The following PAM variants were observed in gnomAD, a reference collection of about 807,000 sequenced individuals.
PAM encodes the protein peptidylglycine alpha-amidating monooxygenase.
Under a neutral mutation model 122.1 loss-of-function variants are expected in PAM, and 72 were observed. The observed-to-expected ratio is 0.59, with a 90% CI of 0.49 to 0.72. The LOEUF (loss-of-function observed/expected upper bound fraction) is 0.72, where lower values mean the gene tolerates loss of function less well. Among genes scored for constraint, PAM ranks in the 30% least tolerant of loss-of-function variants. The probability of loss-of-function intolerance (pLI) is 0.00; values close to 1 mark genes in which losing one functional copy is unlikely to be tolerated. For synonymous variants in PAM, 389 were observed against 404.4 expected (o/e 0.96, Z 0.46); for missense variants, 1,106 against 1,183.7 (o/e 0.93, Z 0.96).
At chr5:102,806,511 C>T (rs909851465) in intron 1 of PAM, among the ~76,000 whole-genome samples, 1 of 152,152 alleles carries the variant, frequency 6.6e-6, no homozygotes, top group Non-Finnish European at 1.5e-5. Flanking sequence ...ATCTTCTGGA[C>T]ATTTTTCAGT....
At chr5:102,916,708 ATATATAT>A in intron 5 of PAM, among the ~76,000 whole-genome samples, 1 of 145,530 alleles carries the variant, frequency 6.9e-6, no homozygotes, top group South Asian at 2.1e-4. Context: ...ATAATATATG[ATATATAT>A]TATATATCAT....
intron 1 of PAM, among the ~76,000 whole-genome samples, chr5:102,777,894 A>C (rs1036829364): frequency 1.3e-5 from 2 of 152,170 alleles, no homozygotes; most frequent in African/African-American, 4.8e-5. Context: ...AGCGATTAAC[A>C]TGGGGTGGTT....
intron 7 of PAM, among the ~76,000 whole-genome samples, chr5:102,935,119 A>G (rs1328206507): frequency 6.6e-6 from 1 of 152,064 alleles, no homozygotes; most frequent in Non-Finnish European, 1.5e-5. Flanking sequence ...AAAATTGATA[A>G]AACCCTCTTC....
chr5:103,023,268 T>C (rs1168122827), intron 23 of PAM, among the ~76,000 whole-genome samples: 1 of 152,102 alleles, frequency 6.6e-6, no homozygotes, highest in Non-Finnish European at 1.5e-5. Context: ...TGACCTAGTA[T>C]ACCCATTGTA....
intron 3 of PAM, among the ~76,000 whole-genome samples, chr5:102,897,249 A>G (rs753971741): frequency 6.6e-6 from 1 of 151,472 alleles, no homozygotes; most frequent in African/African-American, 2.4e-5. Flanking sequence ...GTTCCTTACC[A>G]GTTTGTCTGG....
chr5:102,900,667 C>CA (rs1797565407), intron 3 of PAM, among the ~76,000 whole-genome samples: 1 of 151,656 alleles, frequency 6.6e-6, no homozygotes. Context: ...TTAACAATAG[C>CA]ACATACTTTA....
intron 3 of PAM, among the ~76,000 whole-genome samples, chr5:102,897,650 C>A (rs951777446): frequency 2.0e-5 from 3 of 151,458 alleles, no homozygotes; most frequent in Non-Finnish European, 3.0e-5. Context: ...AAGAAATAAG[C>A]AAAAGGGCCA....
At chr5:103,015,334 C>T (rs546864673) in intron 21 of PAM, among the ~76,000 whole-genome samples, 8 of 152,188 alleles carry the variant, frequency 5.3e-5, no homozygotes, top group South Asian at 4.1e-4. Flanking sequence ...AATTTCCTTA[C>T]GAGTTTTTAA....
chr5:102,922,175 C>T (rs1747664621), intron 5 of PAM, among the ~76,000 whole-genome samples: 1 of 151,598 alleles, frequency 6.6e-6, no homozygotes, highest in South Asian at 2.1e-4. Context: ...GCCGGGACTT[C>T]AGCATGAAGA....
intron 3 of PAM, among the ~76,000 whole-genome samples, chr5:102,874,921 C>T (rs115183554): frequency 0.024 from 3,676 of 152,076 alleles, 165 homozygotes; most frequent in African/African-American, 0.083. Context: ...AGATTAATAA[C>T]GTGTTCATAG....
chr5:102,928,563 T>A (rs1441052678), intron 7 of PAM, among the ~76,000 whole-genome samples: 1 of 152,080 alleles, frequency 6.6e-6, no homozygotes, highest in Non-Finnish European at 1.5e-5. Flanking sequence ...AAGCAAAAAT[T>A]TCACTCATGT....
At chr5:102,993,508 T>A (rs780915541) in intron 16 of PAM, among the ~76,000 whole-genome samples, 49 of 152,180 alleles carry the variant, frequency 3.2e-4, no homozygotes, top group Non-Finnish European at 6.2e-4. Context: ...AAGTTGTATT[T>A]CTTATTTCAT....
At position 102,925,653 on chromosome 5, in the gene PAM, A is replaced by T. The variant is rs112882708; in HGVS notation, c.442+611A>T. ...TGCCAGCATCATTAAATGATGTCTG[A>T]TTTCTTGCACTTCAAATGAGCCTCA... On this transcript the variant is annotated intron_variant, in intron 6 of 25. Coordinates refer to ENST00000438793, the MANE Select transcript of PAM (RefSeq NM_001177306.2). Among the ~76,000 whole-genome samples the T allele has an allele frequency of 4.4e-3, 663 of 152,222 alleles. 4 individuals are homozygous for T. Among genetic ancestry groups the T allele is most frequent in the African/African-American group, 0.015 (639 of 41,530 alleles).
At chr5:103,017,258 C>CTTTGTTT in intron 21 of PAM, 76 bp from the exon 22 acceptor site, 1 of 941,640 alleles carries the variant, frequency 1.1e-6, no homozygotes, top group South Asian at 1.4e-5. Flanking sequence ...GTGGGCTTTG[C>CTTTGTTT]TTTGTTTTTC....
intron 16 of PAM, among the ~76,000 whole-genome samples, chr5:103,000,073 C>G (rs1776937772): frequency 6.6e-6 from 1 of 152,150 alleles, no homozygotes; most frequent in Admixed American, 6.5e-5. Flanking sequence ...CTCTGCTTCC[C>G]TTTTAAACAT....
intron 3 of PAM, among the ~76,000 whole-genome samples, chr5:102,895,301 C>A (rs1302177688): frequency 6.6e-6 from 1 of 151,744 alleles, no homozygotes; most frequent in Non-Finnish European, 1.5e-5. Flanking sequence ...GCACTTAAAA[C>A]AGTAAAAATT....
intron 1 of PAM, among the ~76,000 whole-genome samples, chr5:102,785,321 T>C (rs1473033242): frequency 1.3e-5 from 2 of 152,260 alleles, no homozygotes; most frequent in African/African-American, 4.8e-5. Context: ...ATGAATCTCA[T>C]GCCCTTTAAA....
At position 102,866,033 on chromosome 5, in the gene PAM, A is replaced by C; in HGVS notation, c.-163A>C. The C allele has an allele frequency of 2.2e-6, 1 of 458,408 alleles. No homozygotes were observed. The allele number at this position is 458,408 out of a possible 1,614,324, so 28.4% of individuals were successfully genotyped here. A position where few individuals can be genotyped will look rare whatever the true frequency, so the allele number is the denominator to read the frequency against. On this transcript the variant is annotated 5_prime_UTR_variant, in exon 2 of 26. Coordinates refer to ENST00000438793, the MANE Select transcript of PAM (RefSeq NM_001177306.2). ...GTGACCGAGACGCCTCGCCGCGGCC[A>C]GCTCGCTGCTCTCGCTGGCGGATGG...
chr5:102,799,716 A>G (rs192239316), intron 1 of PAM, among the ~76,000 whole-genome samples: 14 of 152,306 alleles, frequency 9.2e-5, no homozygotes, highest in Admixed American at 9.2e-4. Flanking sequence ...AGGCTCCTAC[A>G]TGGCCTCAGA....
Sources: allele counts gnomAD v4.1 joint callset (sites outside exome capture counted in the v4.1 genomes callset), GRCh38; gene constraint gnomAD v4.1.1; transcripts MANE v1.5; gene names NCBI Gene and HGNC (gene_info 2026-07-23, HGNC 2026-07-21).